Variants in TBC1D9 observed in about 807,000 individuals in gnomAD.
TBC1D9 encodes TBC1 domain family member 9.
A neutral mutation model predicts 132.0 loss-of-function variants in TBC1D9; 63 were observed. The ratio of observed to expected loss-of-function variants is 0.48; its 90% CI spans 0.39 to 0.59. The LOEUF is 0.59. TBC1D9 is among the 20% of genes least tolerant of loss of function. The pLI is 0.00. For synonymous variants in TBC1D9, 610 were observed against 609.9 expected, an observed-to-expected ratio of 1.00 and a Z score of 0.00; for missense variants, 1,261 against 1,592.7, an observed-to-expected ratio of 0.79 and a Z score of 3.54.
chr4:140,666,628 G>A (rs1412623542), intron 9 of TBC1D9, among the ~76,000 whole-genome samples: 3 of 151,976 alleles, frequency 2.0e-5, no homozygotes, highest in South Asian at 2.1e-4. Flanking sequence ...GTGAGCCACC[G>A]CGCCCAGCCT....
chr4:140,741,610 T>A (rs1383567195), intron 1 of TBC1D9, among the ~76,000 whole-genome samples: 1 of 152,050 alleles, frequency 6.6e-6, no homozygotes, highest in East Asian at 1.9e-4. Flanking sequence ...CCCAGCTACT[T>A]GAGAGGCTGA....
chr4:140,660,685 T>C lies in TBC1D9; in HGVS notation c.1804-980A>G, dbSNP rs140420535. On this transcript the variant is annotated intron_variant, in intron 10 of 20. Coordinates refer to ENST00000442267, the MANE Select transcript of TBC1D9 (RefSeq NM_015130.3). ...TGGAGGATGGGGGACAGAGTGGTGA[T>C]ATCTTGCAGGTCCTAAATGCTAGTG... Among the ~76,000 whole-genome samples the C allele has an allele frequency of 7.8e-3, 1,192 of 152,318 alleles. 14 individuals carry two copies. The highest frequency in any genetic ancestry group is 0.027 in the African/African-American group (1,143 of 41,564).
Position 140,643,604 on chromosome 4 carries a change from C to A in TBC1D9, c.2338-4176G>T, listed in dbSNP as rs1344987809. The A allele has an allele frequency of 6.4e-6, 6 of 932,074 alleles. No individual in the cohort carries two copies. The East Asian group carries it at 1.3e-4, about 21-fold the overall frequency. The allele number at this position is 932,074 out of a possible 1,614,324, so 57.7% of individuals were successfully genotyped here. On this transcript the variant is annotated intron_variant, in intron 13 of 20. Transcript: ENST00000442267. ...GGGCCGCCTGGGCCAGGCCTTCCTCCGGCGCTGCCTCTGCCGCAGGAACCG... is the reference window on the plus strand; with the variant it reads ...GGGCCGCCTGGGCCAGGCCTTCCTCAGGCGCTGCCTCTGCCGCAGGAACCG...
chr4:140,708,702 T>C (rs886654317), intron 1 of TBC1D9, among the ~76,000 whole-genome samples: 15 of 152,204 alleles, frequency 9.9e-5, no homozygotes, highest in African/African-American at 3.6e-4. Context: ...CCATAGCCAA[T>C]GTGAAGGTAC....
intron 16 of TBC1D9, among the ~76,000 whole-genome samples, chr4:140,629,802 T>C (rs1289093780): frequency 6.6e-6 from 1 of 152,180 alleles, no homozygotes; most frequent in Non-Finnish European, 1.5e-5. Context: ...GATCACATGG[T>C]TAACTAAACT....
chr4:140,671,587 A>G (rs1560880442), intron 6 of TBC1D9, among the ~76,000 whole-genome samples: 1 of 151,906 alleles, frequency 6.6e-6, no homozygotes, highest in Non-Finnish European at 1.5e-5. Context: ...TTCACCTTCT[A>G]CCACTGCAAA....
chr4:140,638,916 T>C (rs980727135), intron 15 of TBC1D9, among the ~76,000 whole-genome samples, 170 bp downstream of exon 15: 4 of 152,190 alleles, frequency 2.6e-5, no homozygotes, highest in Admixed American at 6.5e-5. Context: ...CAACTTAAAT[T>C]GGTTATAAGA....
chr4:140,669,511 C>A lies in TBC1D9; in HGVS notation c.1437+123G>T. The A allele has an allele frequency of 2.7e-6, 3 of 1,116,050 alleles. No individual in the cohort carries two copies. In the South Asian group the frequency reaches 4.9e-5, roughly 18 times the overall value. The allele number at this position is 1,116,050 out of a possible 1,614,324, so 69.1% of individuals were successfully genotyped here. On this transcript the variant is annotated intron_variant, in intron 8 of 20. Transcript: ENST00000442267. The stretch of plus-strand genomic sequence containing the variant: ...AGTTATAACATATTTAGACAAAAAT[C>A]TGCTTAACTTATAGGAAAATCTCCA...
At chr4:140,666,634 A>G (rs941889302) in intron 9 of TBC1D9, among the ~76,000 whole-genome samples, 3 of 152,002 alleles carry the variant, frequency 2.0e-5, no homozygotes, top group African/African-American at 7.2e-5. Flanking sequence ...CACCGCGCCC[A>G]GCCTATATCT....
chr4:140,680,840 T>G (rs1009637936), intron 3 of TBC1D9, among the ~76,000 whole-genome samples: 1 of 152,202 alleles, frequency 6.6e-6, no homozygotes. Context: ...AGTGCATCCT[T>G]GATGCTCCCT....
At chr4:140,646,368 A>T (rs576732132) in intron 13 of TBC1D9, among the ~76,000 whole-genome samples, 2 of 152,236 alleles carry the variant, frequency 1.3e-5, no homozygotes, top group Non-Finnish European at 2.9e-5. Context: ...ACAGCACAGT[A>T]GGCACCCAAT....
At chr4:140,678,762 G>A (rs1040732090) in intron 5 of TBC1D9, among the ~76,000 whole-genome samples, 180 bp downstream of exon 5, 1 of 152,190 alleles carries the variant, frequency 6.6e-6, no homozygotes, top group African/African-American at 2.4e-5. Flanking sequence ...GTTGGAGCAG[G>A]TCATGTCTGT....
At chr4:140,682,784 T>C (rs1045866569) in intron 3 of TBC1D9, among the ~76,000 whole-genome samples, 6 of 152,092 alleles carry the variant, frequency 3.9e-5, no homozygotes, top group Non-Finnish European at 8.8e-5. Flanking sequence ...AAAGTCAAAA[T>C]GAGGAGAATG....
intron 1 of TBC1D9, among the ~76,000 whole-genome samples, chr4:140,751,958 G>T (rs1036344038): frequency 7.2e-5 from 11 of 152,212 alleles, no homozygotes; most frequent in African/African-American, 2.7e-4. Flanking sequence ...GGAACAAGGG[G>T]AACTTCCATA....
In TBC1D9 at chr4:140,624,141, G is replaced by T. The variant is rs753526710; in HGVS notation, c.3053C>A (p.Ala1018Glu). 1.2e-6 allele frequency: 2 copies of T among 1,609,650 alleles called. No homozygotes were observed. Among genetic ancestry groups the T allele is most frequent in the South Asian group, 1.1e-5 (1 of 90,202 alleles). The change falls in exon 20 of 21, where the codon GCA becomes GAA. Residue 1018 changes from alanine to glutamate, a missense_variant. Coordinates refer to ENST00000442267, the MANE Select transcript of TBC1D9 (RefSeq NM_015130.3). ...CTGATTTAATTTGGGTAAATCCTTT[G>T]CATTCTTTGACTTAGATTTATTTTC... ...TPENKSKSKNAKDLPKLNQGQ... is the reference protein window; with the variant it reads ...TPENKSKSKNEKDLPKLNQGQ...
intron 1 of TBC1D9, among the ~76,000 whole-genome samples, chr4:140,719,386 A>T (rs1738388492): frequency 6.6e-6 from 1 of 152,152 alleles, no homozygotes; most frequent in African/African-American, 2.4e-5. Flanking sequence ...ATTTTTCTTT[A>T]AATAATGCTT....
chr4:140,665,297 A>T (rs1204237704), intron 9 of TBC1D9, among the ~76,000 whole-genome samples: 3 of 152,178 alleles, frequency 2.0e-5, no homozygotes, highest in Admixed American at 6.5e-5. Flanking sequence ...CATCAAAGAC[A>T]GTGAAAAGAC....
chr4:140,748,709 A>T (rs142740169), intron 1 of TBC1D9, among the ~76,000 whole-genome samples: 32 of 152,352 alleles, frequency 2.1e-4, no homozygotes, highest in African/African-American at 7.7e-4. Context: ...AAACAAAAAT[A>T]TCCTTCAAGA....
intron 13 of TBC1D9, chr4:140,643,989 TC>T (rs1737056133): frequency 3.6e-6 from 2 of 550,902 alleles, no homozygotes; most frequent in Non-Finnish European, 6.9e-6. Context: ...TTCCTCCGGG[TC>T]CTCCCGCAGC....
Sources: gnomAD v4.1 joint callset for allele counts (sites outside exome capture counted in the v4.1 genomes callset) on GRCh38, gnomAD v4.1.1 for gene constraint, MANE v1.5 for transcripts, NCBI Gene and HGNC (gene_info 2026-07-23, HGNC 2026-07-21) for gene names.